Variants in TBC1D32 observed in about 807,000 individuals in gnomAD.
The protein encoded by TBC1D32 is protein broad-minded.
A neutral mutation model predicts 170.3 loss-of-function variants in TBC1D32; 151 were observed. The observed-to-expected ratio is 0.89, with a 90% CI of 0.78 to 1.01. The LOEUF (loss-of-function observed/expected upper bound fraction) is 1.01, where lower values mean the gene tolerates loss of function less well. TBC1D32 is among the 50% of genes least tolerant of loss of function. The probability of loss-of-function intolerance (pLI) is 0.00; values close to 1 mark genes in which losing one functional copy is unlikely to be tolerated. For missense variants in TBC1D32, 1,464 were observed against 1,457.1 expected, an observed-to-expected ratio of 1.00 and a Z score of -0.08; for synonymous variants, 498 against 488.0, an observed-to-expected ratio of 1.02 and a Z score of -0.27.
At chr6:121,216,901 G>A (rs537047345) in intron 21 of TBC1D32, among the ~76,000 whole-genome samples, 1 of 152,144 alleles carries the variant, frequency 6.6e-6, no homozygotes, top group Non-Finnish European at 1.5e-5. Flanking sequence ...CTAAGGTGAG[G>A]GCTATTATGT....
chr6:121,199,315 T>C (rs1791230581), intron 22 of TBC1D32, among the ~76,000 whole-genome samples: 1 of 151,340 alleles, frequency 6.6e-6, no homozygotes, highest in Non-Finnish European at 1.5e-5. Flanking sequence ...CAGATTAATA[T>C]TTATAGGTGT....
rs201167651 is a variant in TBC1D32, at chr6:121,222,497, CA to C, written c.2481+738del. Reference sequence around the variant, plus strand: ...GTCATATAAGCTATTAAAAGTTTCCCAAAGTAGACAAAATTTTTAAAAATCC... The same window carrying C: ...GTCATATAAGCTATTAAAAGTTTCCCAAGTAGACAAAATTTTTAAAAATCC... On this transcript the variant is annotated intron_variant, in intron 21 of 31. Coordinates refer to ENST00000398212, the MANE Select transcript of TBC1D32 (RefSeq NM_152730.6). Among the ~76,000 whole-genome samples the C allele has an allele frequency of 4.1e-4, 62 of 151,554 alleles. No homozygotes were observed. The East Asian group carries it at 8.9e-3, about 22-fold the overall frequency.
chr6:121,286,212 C>A (rs1803799977), intron 12 of TBC1D32, among the ~76,000 whole-genome samples: 1 of 152,010 alleles, frequency 6.6e-6, no homozygotes, highest in South Asian at 2.1e-4. Context: ...GAAGTTCGAA[C>A]CCATGGCAAA....
chr6:121,229,863 T>C (rs1265484898), intron 20 of TBC1D32, among the ~76,000 whole-genome samples: 1 of 152,082 alleles, frequency 6.6e-6, no homozygotes, highest in African/African-American at 2.4e-5. Flanking sequence ...GATTGGATCA[T>C]GGGTGCAGTT....
intron 21 of TBC1D32, among the ~76,000 whole-genome samples, chr6:121,220,640 C>CTT (rs923251281): frequency 0.068 from 8,617 of 126,098 alleles, 446 homozygotes; most frequent in African/African-American, 0.14. Context: ...TTTTCTTTTT[C>CTT]TTTTTTTTTT....
intron 22 of TBC1D32, among the ~76,000 whole-genome samples, chr6:121,194,014 G>A (rs1403742757): frequency 7.1e-6 from 1 of 140,736 alleles, no homozygotes; most frequent in East Asian, 2.4e-4. Context: ...GAGGGTAACT[G>A]TGAATTGGGG....
intron 15 of TBC1D32, among the ~76,000 whole-genome samples, chr6:121,262,280 T>C (rs911800748): frequency 1.4e-4 from 21 of 152,008 alleles, no homozygotes; most frequent in Admixed American, 5.2e-4. Context: ...ACAGAGAACC[T>C]CACTAAGATA....
At chr6:121,290,959 C>T (rs554313354) in intron 12 of TBC1D32, among the ~76,000 whole-genome samples, 21 of 122,904 alleles carry the variant, frequency 1.7e-4, no homozygotes, top group African/African-American at 6.7e-4. Flanking sequence ...AATGAGAACA[C>T]ATGGACACAG....
chr6:121,149,170 T>G (rs114883909), intron 24 of TBC1D32, among the ~76,000 whole-genome samples: 3 of 152,186 alleles, frequency 2.0e-5, no homozygotes, highest in African/African-American at 7.2e-5. Flanking sequence ...CGTTGTCAGA[T>G]GGATAGATTG....
At chr6:121,332,658 C>CTTTA (rs1205250118) in intron 1 of TBC1D32, among the ~76,000 whole-genome samples, 1 of 152,066 alleles carries the variant, frequency 6.6e-6, no homozygotes, top group Non-Finnish European at 1.5e-5. Flanking sequence ...AAACATAATG[C>CTTTA]TTTATGTGGA....
chr6:121,278,801 G>A (rs1348772233), intron 15 of TBC1D32, among the ~76,000 whole-genome samples: 2 of 152,012 alleles, frequency 1.3e-5, no homozygotes, highest in Admixed American at 1.3e-4. Context: ...ATTACCATTG[G>A]TTAAGTGAGA....
chr6:121,081,626 C>T (rs1214272302), intron 31 of TBC1D32, among the ~76,000 whole-genome samples: 1 of 150,956 alleles, frequency 6.6e-6, no homozygotes, highest in Non-Finnish European at 1.5e-5. Flanking sequence ...AGTTTAAAGG[C>T]AAGAATTACT....
chr6:121,087,373 C>G (rs748711165), intron 31 of TBC1D32, among the ~76,000 whole-genome samples: 1 of 152,136 alleles, frequency 6.6e-6, no homozygotes, highest in Non-Finnish European at 1.5e-5. Context: ...CTTTAGTGAC[C>G]TATTAGAAAT....
Position 121,283,919 on chromosome 6 carries a change from A to T in TBC1D32, c.1373-9T>A, listed in dbSNP as rs1178123861. The T allele has an allele frequency of 3.2e-6, 5 of 1,545,540 alleles. No individual in the cohort carries two copies. The highest frequency in any genetic ancestry group is 4.4e-6 in the Non-Finnish European group (5 of 1,128,044). On this transcript the variant is annotated splice_polypyrimidine_tract_variant and intron_variant, in intron 12 of 31. Coordinates refer to ENST00000398212, the MANE Select transcript of TBC1D32 (RefSeq NM_152730.6). ...TATGAGGGATACCAAACCTTTAAAA[A>T]GAAAATAAAGAGAAAATTAATTTCT... is the stretch of plus-strand genomic sequence containing the variant.
intron 21 of TBC1D32, among the ~76,000 whole-genome samples, chr6:121,209,133 C>A (rs1160988747): frequency 3.4e-5 from 2 of 58,382 alleles, no homozygotes; most frequent in Non-Finnish European, 9.3e-5. Context: ...AATATTACAG[C>A]TCTTCTTAAA....
chr6:121,279,185 C>T lies in TBC1D32; in HGVS notation c.1669G>A (p.Ala557Thr). Reference protein sequence around the residue: ...IHIAGILARIASVEEGLILLL... With the variant: ...IHIAGILARITSVEEGLILLL... ...AAAATAAGCCCTTCTTCTACAGATG[C>T]AATTCTTGCCAAAATACCAGCTATA... The change falls in exon 15 of 32, where the codon GCA becomes ACA. Residue 557 changes from alanine to threonine, a missense_variant. Ala to Thr is a moderately conservative substitution (Grantham distance 58, BLOSUM62 0). Transcript: ENST00000398212. 1 of 1,611,922 alleles carries T rather than the reference C, an allele frequency of 6.2e-7. No individual in the cohort carries two copies. The highest frequency in any genetic ancestry group is 8.5e-7 in the Non-Finnish European group (1 of 1,178,990).
At chr6:121,210,398 G>A (rs541940527) in intron 21 of TBC1D32, among the ~76,000 whole-genome samples, 1 of 152,112 alleles carries the variant, frequency 6.6e-6, no homozygotes, top group African/African-American at 2.4e-5. Flanking sequence ...CCAGGAAACA[G>A]GCACTATAAT....
chr6:121,137,399 T>G (rs1267702271), intron 24 of TBC1D32, among the ~76,000 whole-genome samples: 1 of 150,938 alleles, frequency 6.6e-6, no homozygotes, highest in Non-Finnish European at 1.5e-5. Flanking sequence ...ATGAGTAAGG[T>G]AGAGAAAGAA....
chr6:121,296,739 C>CA lies in TBC1D32; in HGVS notation c.1141-2080dup, dbSNP rs572862910. 2.1e-3 allele frequency among the ~76,000 whole-genome samples: 317 copies of CA among 151,554 alleles called. 1 individual carries two copies. Among genetic ancestry groups the CA allele is most frequent in the African/African-American group, 7.4e-3 (305 of 41,398 alleles). ...ACTTCTCCTTTGACCCATTTTCTAACAAAAAACAAAACAAAACAAAGTGGA... is the reference window on the plus strand; with the variant it reads ...ACTTCTCCTTTGACCCATTTTCTAACAAAAAAACAAAACAAAACAAAGTGGA... On this transcript the variant is annotated intron_variant, in intron 10 of 31. Transcript: ENST00000398212.
Sources: gnomAD v4.1 joint callset for allele counts (sites outside exome capture counted in the v4.1 genomes callset) on GRCh38, gnomAD v4.1.1 for gene constraint, MANE v1.5 for transcripts, NCBI Gene and HGNC (gene_info 2026-07-23, HGNC 2026-07-21) for gene names.